EIF2AK1: variants seen among roughly 807,000 people sequenced by gnomAD.
EIF2AK1 encodes the protein eukaryotic translation initiation factor 2 alpha kinase 1, also known as eukaryotic translation initiation factor 2-alpha kinase 1.
EIF2AK1 carries 54 observed loss-of-function variants against 77.9 expected under a neutral mutation model. That is an observed-to-expected ratio of 0.69 (90% confidence interval 0.56 to 0.87). The LOEUF (loss-of-function observed/expected upper bound fraction) is 0.87. Ranked by LOEUF, EIF2AK1 falls within the 40% of genes least tolerant of loss-of-function variation. The pLI is 0.00. For synonymous variants in EIF2AK1, 314 were observed against 290.5 expected, an observed-to-expected ratio of 1.08 and a Z score of -0.82; for missense variants, 810 against 768.6, an observed-to-expected ratio of 1.05 and a Z score of -0.64.
chr7:6,046,870 C>T lies in EIF2AK1; in HGVS notation c.549+122G>A, dbSNP rs1788458735. On this transcript the variant is annotated intron_variant, in intron 5 of 14. Coordinates refer to ENST00000199389, the MANE Select transcript of EIF2AK1 (RefSeq NM_014413.4). The stretch of plus-strand genomic sequence containing the variant: ...TGAGCTGAGATTGCGCCGCGCACTC[C>T]AGCCTGGCGACAGAGCGAGACTCCA... The T allele has an allele frequency of 4.3e-6, 4 of 923,012 alleles. No homozygotes were observed. The South Asian group carries it at 5.7e-5, about 13-fold the overall frequency. The allele number at this position is 923,012 out of a possible 1,614,324, so 57.2% of individuals were successfully genotyped here.
chr7:6,058,914 A>T, intron 1 of EIF2AK1, 52 bp downstream of exon 1: 3 of 1,441,408 alleles, frequency 2.1e-6, no homozygotes, highest in Non-Finnish European at 2.8e-6. Context: ...CCGCCCAGAA[A>T]CGCAGGTGGA....
intron 14 of EIF2AK1, among the ~76,000 whole-genome samples, chr7:6,026,281 CAT>C (rs1429340834): frequency 6.6e-6 from 1 of 151,882 alleles, no homozygotes; most frequent in Non-Finnish European, 1.5e-5. Context: ...CCCCGGCAGA[CAT>C]ACAGACAGCC....
chr7:6,054,015 C>T (rs967651021), intron 2 of EIF2AK1, among the ~76,000 whole-genome samples: 5 of 151,702 alleles, frequency 3.3e-5, no homozygotes, highest in Admixed American at 3.3e-4. Flanking sequence ...TTATTGTTGA[C>T]TGTAGTCACT....
chr7:6,046,752 A>C, intron 5 of EIF2AK1: 1 of 338,796 alleles, frequency 3.0e-6, no homozygotes, highest in South Asian at 4.2e-5. Flanking sequence ...AAATACAAAA[A>C]TTAGCTGGGT....
rs34358095 is a variant in EIF2AK1 at position 6,053,667 on chromosome 7, C to CTT, written c.277+877_277+878dup. On this transcript the variant is annotated intron_variant, in intron 2 of 14. Transcript: ENST00000199389. ...CGTGAGCCACCGCGCCCAGCCCATT[C>CTT]TTTTTTTTTTTTTTTTTGAGATGGA... 2.4e-3 allele frequency among the ~76,000 whole-genome samples: 282 copies of CTT among 117,446 alleles called. 9 individuals are homozygous for CTT. Among genetic ancestry groups the CTT allele is most frequent in the East Asian group, 0.012 (46 of 3,962 alleles). The allele number at this position is 117,446 out of a possible 152,430, so 77.0% of individuals were successfully genotyped here. A position where few individuals can be genotyped will look rare whatever the true frequency, so the allele number is the denominator to read the frequency against.
chr7:6,025,494 T>A (rs1228182871), intron 14 of EIF2AK1, among the ~76,000 whole-genome samples: 3 of 151,794 alleles, frequency 2.0e-5, no homozygotes, highest in African/African-American at 7.3e-5. Context: ...CGGTGGGGAG[T>A]CAACCTGCTT....
intron 11 of EIF2AK1, among the ~76,000 whole-genome samples, chr7:6,030,743 C>T (rs1015276768): frequency 3.3e-5 from 5 of 152,148 alleles, no homozygotes; most frequent in African/African-American, 4.8e-5. Context: ...ATGTTCTGCC[C>T]GCCCTGGCCT....
chr7:6,030,671 G>C (rs1001275845), intron 11 of EIF2AK1, among the ~76,000 whole-genome samples: 3 of 152,112 alleles, frequency 2.0e-5, no homozygotes, highest in Non-Finnish European at 2.9e-5. Context: ...GCTACTTTTT[G>C]TATTTTTAGT....
At chr7:6,043,595 A>C (rs10447573) in intron 7 of EIF2AK1, among the ~76,000 whole-genome samples, 1 of 150,960 alleles carries the variant, frequency 6.6e-6, no homozygotes, top group African/African-American at 2.4e-5. Flanking sequence ...TGCCCACCTC[A>C]TTTTTGTATT....
rs1017795516 is a variant in EIF2AK1 at position 6,032,286 on chromosome 7, C to T, written c.1333-3254G>A. ...CAATTAAATTCAAAAAGGAAGTCACCCTCCCTTGTACCCTACTGTCTTATC... is the reference window on the plus strand; with the variant it reads ...CAATTAAATTCAAAAAGGAAGTCACTCTCCCTTGTACCCTACTGTCTTATC... On this transcript the variant is annotated intron_variant, in intron 11 of 14. Transcript: ENST00000199389. This position sits in a 1 kb window ranked among gnomAD's most constrained non-coding sequence, Gnocchi z 4.3. Among the ~76,000 whole-genome samples, 1 of 152,028 alleles carries T rather than the reference C, an allele frequency of 6.6e-6. No individual in the cohort carries two copies. The highest frequency in any genetic ancestry group is 6.6e-5 in the Admixed American group (1 of 15,262).
chr7:6,048,787 A>C lies in EIF2AK1; in HGVS notation c.449+20T>G. ...TTCTTTTCAATAGTCTGCATAATCA[A>C]GAAAGTTTTTCACACATACCTGATT... is the stretch of plus-strand genomic sequence containing the variant. On this transcript the variant is annotated intron_variant, in intron 4 of 14. Coordinates refer to ENST00000199389, the MANE Select transcript of EIF2AK1 (RefSeq NM_014413.4). The C allele has an allele frequency of 6.4e-7, 1 of 1,566,420 alleles. No individual in the cohort carries two copies. Among genetic ancestry groups the C allele is most frequent in the Non-Finnish European group, 8.7e-7 (1 of 1,154,652 alleles).
At chr7:6,030,342 G>C (rs935169064) in intron 11 of EIF2AK1, among the ~76,000 whole-genome samples, 7 of 152,138 alleles carry the variant, frequency 4.6e-5, no homozygotes, top group Non-Finnish European at 8.8e-5. Flanking sequence ...TTGCATGCTA[G>C]GAGATAAATC....
In EIF2AK1 at chr7:6,023,173, G is replaced by C; in HGVS notation, c.*1500C>G. 9.1e-7 allele frequency: 1 copy of C among 1,101,348 alleles called. No homozygotes were observed. The highest frequency in any genetic ancestry group is 1.7e-5 in the South Asian group (1 of 60,588). 68.2% of individuals were successfully genotyped at this position (1,101,348 alleles called of 1,614,324 possible). A position where few individuals can be genotyped will look rare whatever the true frequency, so the allele number is the denominator to read the frequency against. Reference sequence around the variant, plus strand: ...CTTAGAGACAGACTGAAAATGTGATGTTCTTCTTGAAAACACCCTTTCCCA... The same window carrying C: ...CTTAGAGACAGACTGAAAATGTGATCTTCTTCTTGAAAACACCCTTTCCCA... On this transcript the variant is annotated 3_prime_UTR_variant, in exon 15 of 15. Transcript: ENST00000199389.
chr7:6,028,402 C>A (rs894700137), intron 13 of EIF2AK1, among the ~76,000 whole-genome samples: 7 of 152,150 alleles, frequency 4.6e-5, no homozygotes, highest in Non-Finnish European at 2.9e-5. Flanking sequence ...CAGGCATGTG[C>A]CATCGCACCC....
At chr7:6,044,280 C>T (rs1433824120) in intron 7 of EIF2AK1, among the ~76,000 whole-genome samples, 12 of 150,954 alleles carry the variant, frequency 7.9e-5, no homozygotes, top group Admixed American at 2.0e-4. Flanking sequence ...CTGGCTAACA[C>T]GGTGAAACCC....
At position 6,024,141 on chromosome 7, in the gene EIF2AK1, G is replaced by A. The variant is rs752527505; in HGVS notation, c.*532C>T. The A allele has an allele frequency of 3.2e-5, 42 of 1,293,718 alleles. 1 individual carries two copies. The South Asian group carries it at 5.2e-4, about 16-fold the overall frequency. 80.1% of individuals were successfully genotyped at this position (1,293,718 alleles called of 1,614,324 possible). A position where few individuals can be genotyped will look rare whatever the true frequency, so the allele number is the denominator to read the frequency against. ...TGAAGGTGGAGAGAACAGATAAAAA[G>A]GTTGGAAGTTGCACACTGTACACTG... On this transcript the variant is annotated 3_prime_UTR_variant, in exon 15 of 15. Transcript: ENST00000199389.
In EIF2AK1 at chr7:6,033,728, C is replaced by T. The variant is rs1159287020; in HGVS notation, c.1332+3696G>A. On this transcript the variant is annotated intron_variant, in intron 11 of 14. Transcript: ENST00000199389. This position sits in a 1 kb window ranked among gnomAD's most constrained non-coding sequence, Gnocchi z 4.4. ...GGGACTACAGGCGCCTGCCACCACG[C>T]CTGGCTAATTTTTTGTATTTTTAGT... is the stretch of plus-strand genomic sequence containing the variant. Among the ~76,000 whole-genome samples, 2 of 152,018 alleles carry T rather than the reference C, an allele frequency of 1.3e-5. No homozygotes were observed. Among genetic ancestry groups the T allele is most frequent in the Non-Finnish European group, 2.9e-5 (2 of 68,006 alleles).
Position 6,024,235 on chromosome 7 carries a change from T to C in EIF2AK1, c.*438A>G. On this transcript the variant is annotated 3_prime_UTR_variant, in exon 15 of 15. Transcript: ENST00000199389. ...AGCCAAGGAATGAAATGATGAGGCG[T>C]CCTTCAGGTAATGAACTTCAGCTGC... 8.2e-7 allele frequency: 1 copy of C among 1,219,368 alleles called. No homozygotes were observed. The highest frequency in any genetic ancestry group is 1.0e-6 in the Non-Finnish European group (1 of 958,810). 75.5% of individuals were successfully genotyped at this position (1,219,368 alleles called of 1,614,324 possible). A position where few individuals can be genotyped will look rare whatever the true frequency, so the allele number is the denominator to read the frequency against.
At chr7:6,047,767 T>C (rs1283834857) in intron 4 of EIF2AK1, 1 of 154,274 alleles carries the variant, frequency 6.5e-6, no homozygotes, top group Admixed American at 6.5e-5. Flanking sequence ...GCAGTGGCTA[T>C]TCACAGGTGT....
Sources: gnomAD v4.1 joint callset for allele counts (sites outside exome capture counted in the v4.1 genomes callset) on GRCh38, gnomAD v4.1.1 for gene constraint, Gnocchi (gnomAD v3.1) non-coding constraint, MANE v1.5 for transcripts, NCBI Gene and HGNC (gene_info 2026-07-23, HGNC 2026-07-21) for gene names.